GADL1: variants seen among roughly 807,000 people sequenced by gnomAD.
GADL1 encodes the protein GAD like acidic amino acid decarboxylase 1.
A neutral mutation model predicts 69.5 loss-of-function variants in GADL1; 71 were observed. The observed-to-expected ratio is 1.02, with a 90% CI of 0.84 to 1.25. GADL1 has a LOEUF of 1.25. Among genes scored for constraint, GADL1 ranks in the 50% most tolerant of loss-of-function variants. GADL1 has a pLI of 0.00. For synonymous variants in GADL1, 254 were observed against 214.4 expected, an observed-to-expected ratio of 1.18 and a Z score of -1.62; for missense variants, 737 against 631.8, an observed-to-expected ratio of 1.17 and a Z score of -1.79.
At chr3:30,862,964 C>T (rs1346308617) in intron 1 of GADL1, among the ~76,000 whole-genome samples, 1 of 151,698 alleles carries the variant, frequency 6.6e-6, no homozygotes, top group Non-Finnish European at 1.5e-5. Context: ...TTTACTCATT[C>T]TTGCAGTCAC....
At chr3:30,841,000 T>A (rs925470878) in intron 8 of GADL1, among the ~76,000 whole-genome samples, 1 of 152,228 alleles carries the variant, frequency 6.6e-6, no homozygotes, top group Non-Finnish European at 1.5e-5. Flanking sequence ...ATCTATGTAA[T>A]GACATCAAGA....
intron 14 of GADL1, among the ~76,000 whole-genome samples, chr3:30,743,050 A>G (rs1001542630): frequency 2.6e-5 from 4 of 152,044 alleles, no homozygotes; most frequent in Non-Finnish European, 5.9e-5. Context: ...ATGGTTTTTC[A>G]GAGTCCAAAA....
At chr3:30,776,878 G>T (rs1696553177) in intron 14 of GADL1, among the ~76,000 whole-genome samples, 1 of 152,106 alleles carries the variant, frequency 6.6e-6, no homozygotes, top group Non-Finnish European at 1.5e-5. Flanking sequence ...CCCCTCTTGA[G>T]CCTCTGAGTT....
At chr3:30,773,487 CTA>C (rs1696465710) in intron 14 of GADL1, among the ~76,000 whole-genome samples, 1 of 152,078 alleles carries the variant, frequency 6.6e-6, no homozygotes, top group African/African-American at 2.4e-5. Context: ...AACTTTATCT[CTA>C]AAAATATTTT....
chr3:30,865,304 TA>T (rs58011681), intron 1 of GADL1, among the ~76,000 whole-genome samples: 23,281 of 107,820 alleles, frequency 0.22, 5,047 homozygotes, highest in African/African-American at 0.53. Context: ...TATATATATA[TA>T]TTTTTTAATA....
intron 11 of GADL1, among the ~76,000 whole-genome samples, chr3:30,822,632 CA>C (rs1327192593): frequency 6.6e-6 from 1 of 151,898 alleles, no homozygotes; most frequent in East Asian, 1.9e-4. Context: ...TGGTGTTTTA[CA>C]ACTAATTTTC....
At chr3:30,776,910 G>GA (rs552319483) in intron 14 of GADL1, among the ~76,000 whole-genome samples, 4 of 152,088 alleles carry the variant, frequency 2.6e-5, no homozygotes, top group Non-Finnish European at 5.9e-5. Context: ...ATTCTTCCTG[G>GA]AATCTGCTTC....
chr3:30,827,040 G>GGGTC (rs1442355131), intron 11 of GADL1, among the ~76,000 whole-genome samples: 1 of 151,812 alleles, frequency 6.6e-6, no homozygotes, highest in Non-Finnish European at 1.5e-5. Flanking sequence ...AAAGCAAGAA[G>GGGTC]GGTCATGCTT....
At chr3:30,731,650 C>T (rs1695459119) in intron 14 of GADL1, among the ~76,000 whole-genome samples, 1 of 152,150 alleles carries the variant, frequency 6.6e-6, no homozygotes, top group African/African-American at 2.4e-5. Flanking sequence ...AACCAAACTT[C>T]TAGGACAAAT....
At chr3:30,793,059 T>C (rs1419548098) in intron 12 of GADL1, among the ~76,000 whole-genome samples, 3 of 152,168 alleles carry the variant, frequency 2.0e-5, no homozygotes, top group Admixed American at 6.5e-5. Flanking sequence ...AATATCCTAA[T>C]GAGTACTTCG....
intron 4 of GADL1, 89 bp from the exon 5 acceptor site, chr3:30,851,030 C>T: frequency 2.7e-6 from 2 of 738,294 alleles, no homozygotes; most frequent in Non-Finnish European, 4.5e-6. Flanking sequence ...TTCTATTAAA[C>T]CAAGTGGCTG....
chr3:30,852,182 A>G (rs573814702), intron 4 of GADL1, among the ~76,000 whole-genome samples: 78 of 152,236 alleles, frequency 5.1e-4, no homozygotes, highest in African/African-American at 1.8e-3. Context: ...TATCACCTAC[A>G]TATGTGTCAA....
chr3:30,834,636 A>C (rs1330416870), intron 9 of GADL1, among the ~76,000 whole-genome samples: 1 of 152,116 alleles, frequency 6.6e-6, no homozygotes, highest in Non-Finnish European at 1.5e-5. Flanking sequence ...TTTGCTATTC[A>C]GTGTATGATG....
chr3:30,849,587 T>C (rs1036262529), intron 6 of GADL1, among the ~76,000 whole-genome samples: 16 of 151,944 alleles, frequency 1.1e-4, no homozygotes, highest in Non-Finnish European at 2.4e-4. Context: ...ATCTTTCTTT[T>C]CCCTGGAAAA....
At chr3:30,794,394 G>A (rs1696986116) in intron 12 of GADL1, among the ~76,000 whole-genome samples, 1 of 152,120 alleles carries the variant, frequency 6.6e-6, no homozygotes, top group Non-Finnish European at 1.5e-5. Flanking sequence ...CAAAGGCCTA[G>A]AAGGTGCCCT....
At chr3:30,846,944 C>T (rs1387591149) in intron 6 of GADL1, among the ~76,000 whole-genome samples, 1 of 152,192 alleles carries the variant, frequency 6.6e-6, no homozygotes, top group African/African-American at 2.4e-5. Context: ...GGCCTAAGCC[C>T]TGCTAGAGAG....
chr3:30,760,717 C>G (rs537863608), intron 14 of GADL1, among the ~76,000 whole-genome samples: 11 of 152,268 alleles, frequency 7.2e-5, no homozygotes, highest in African/African-American at 2.6e-4. Context: ...TGAAATCATT[C>G]TTGTAAAGCA....
chr3:30,871,126 A>C (rs76567033), intron 1 of GADL1, among the ~76,000 whole-genome samples: 4 of 150,294 alleles, frequency 2.7e-5, no homozygotes, highest in African/African-American at 7.3e-5. Context: ...CAGGGTCTGT[A>C]AATGAGGGAA....
At chr3:30,806,752 C>G (rs933180916) in intron 11 of GADL1, among the ~76,000 whole-genome samples, 1 of 152,130 alleles carries the variant, frequency 6.6e-6, no homozygotes, top group African/African-American at 2.4e-5. Flanking sequence ...GACAGCTGGA[C>G]AGATGAGAGA....
Sources: gnomAD v4.1 joint callset for allele counts (sites outside exome capture counted in the v4.1 genomes callset) on GRCh38, gnomAD v4.1.1 for gene constraint, MANE v1.5 for transcripts, NCBI Gene and HGNC (gene_info 2026-07-23, HGNC 2026-07-21) for gene names.